SLC13A1: variants seen among roughly 807,000 people sequenced by gnomAD.
SLC13A1 encodes the protein Na(+)/sulfate cotransporter.
SLC13A1 carries 65 observed loss-of-function variants against 70.0 expected under a neutral mutation model. That is an observed-to-expected ratio of 0.93 (90% CI 0.76 to 1.14). The LOEUF (loss-of-function observed/expected upper bound fraction) is 1.14, where lower values mean the gene tolerates loss of function less well. SLC13A1 is among the 50% of genes most tolerant of loss of function. The probability of loss-of-function intolerance (pLI) is 0.00; values close to 1 mark genes in which losing one functional copy is unlikely to be tolerated. For missense variants in SLC13A1, 726 were observed against 717.8 expected, an observed-to-expected ratio of 1.01 and a Z score of -0.13; for synonymous variants, 275 against 250.5, an observed-to-expected ratio of 1.10 and a Z score of -0.92.
intron 1 of SLC13A1, among the ~76,000 whole-genome samples, chr7:123,189,115 A>AG (rs386411182): frequency 0.012 from 23 of 1,842 alleles, 1 homozygote; most frequent in African/African-American, 0.023. Flanking sequence ...ACTCCGTCTC[A>AG]AAAAAAAAAA....
At chr7:123,122,829 A>AT (rs1318807955) in intron 12 of SLC13A1, among the ~76,000 whole-genome samples, 1 of 152,056 alleles carries the variant, frequency 6.6e-6, no homozygotes. Flanking sequence ...TTTCATATAC[A>AT]TTTTTCCTTA....
chr7:123,196,437 A>T (rs765476396), intron 1 of SLC13A1, among the ~76,000 whole-genome samples: 61 of 152,112 alleles, frequency 4.0e-4, no homozygotes, highest in Non-Finnish European at 7.4e-5. Context: ...GTTGTGATTA[A>T]CATCATTGGC....
chr7:123,152,500 G>T (rs1315292844), intron 6 of SLC13A1, among the ~76,000 whole-genome samples: 4 of 151,958 alleles, frequency 2.6e-5, no homozygotes, highest in African/African-American at 9.7e-5. Context: ...CCTTCTCCAG[G>T]ATGAACAGAA....
chr7:123,128,895 C>T lies in SLC13A1; in HGVS notation c.1083G>A (p.Trp361Ter), dbSNP rs757983728. The change falls in exon 10 of 15, where the codon TGG (tryptophan) becomes TGA (stop). Residue 361 changes from tryptophan (W) to a stop codon, truncating the protein, a stop_gained. Coordinates refer to ENST00000194130, the MANE Select transcript of SLC13A1 (RefSeq NM_022444.4). LOFTEE classifies it high-confidence loss of function. Reference sequence around the variant, plus strand: ...GAACAAATCCGGGGTCTCGACTAAACCATAGCAGAGCCATTATAATGAAGA... The same window carrying T: ...GAACAAATCCGGGGTCTCGACTAAATCATAGCAGAGCCATTATAATGAAGA... ...LVLFIIMALL[W>*]FSRDPGFVPG... The T allele has an allele frequency of 1.2e-6, 2 of 1,613,562 alleles. No individual in the cohort carries two copies. The highest frequency in any genetic ancestry group is 1.7e-5 in the Admixed American group (1 of 59,938).
chr7:123,169,005 T>TA, intron 4 of SLC13A1, 143 bp downstream of exon 4: 1 of 677,816 alleles, frequency 1.5e-6, no homozygotes, highest in Non-Finnish European at 2.4e-6. Context: ...TTTTTGTAGA[T>TA]ACTGAGAACT....
At chr7:123,174,198 A>G (rs1235900793) in intron 2 of SLC13A1, among the ~76,000 whole-genome samples, 2 of 152,024 alleles carry the variant, frequency 1.3e-5, no homozygotes, top group African/African-American at 4.8e-5. Context: ...CACTCAATGA[A>G]CCTTTGTTAA....
At chr7:123,142,868 C>T (rs564903726) in intron 7 of SLC13A1, among the ~76,000 whole-genome samples, 5 of 151,968 alleles carry the variant, frequency 3.3e-5, no homozygotes, top group South Asian at 4.1e-4. Context: ...CTGCCCTCCT[C>T]GGCCTCCCAA....
At position 123,169,142 on chromosome 7, in the gene SLC13A1, T is replaced by C. The variant is rs369809674; in HGVS notation, c.553+6A>G. The C allele has an allele frequency of 6.2e-7, 1 of 1,613,696 alleles. No homozygotes were observed. On this transcript the variant is annotated splice_donor_region_variant and intron_variant, in intron 4 of 14. Coordinates refer to ENST00000194130, the MANE Select transcript of SLC13A1 (RefSeq NM_022444.4). ...ACCCCAGATTGGCCATATCAACATG[T>C]GATACCATCAATTTCTAGTCCGTGG...
chr7:123,168,416 A>G lies in SLC13A1; in HGVS notation c.618T>C (p.Asn206=), dbSNP rs769861948. The change falls in exon 6 of 15, where the codon AAT becomes AAC. Residue 206 remains asparagine, a synonymous_variant. Coordinates refer to ENST00000194130, the MANE Select transcript of SLC13A1 (RefSeq NM_022444.4). ...KEKTKPVPGY[N]NDTGKISSKV... is the part of the protein sequence containing the mutation. ...TGCTTGAAATTTTCCCTGTATCATT[A>G]TTGTATCTGAAAAATACATTGATCC... is the stretch of plus-strand genomic sequence containing the variant. The G allele has an allele frequency of 1.3e-6, 2 of 1,594,780 alleles. No individual in the cohort carries two copies. Among genetic ancestry groups the G allele is most frequent in the Admixed American group, 3.4e-5 (2 of 59,682 alleles).
intron 7 of SLC13A1, among the ~76,000 whole-genome samples, chr7:123,140,455 G>C (rs189946782): frequency 6.6e-6 from 1 of 152,096 alleles, no homozygotes; most frequent in East Asian, 1.9e-4. Flanking sequence ...CATAGCGTTT[G>C]AAAGTATTCC....
At chr7:123,168,109 C>G (rs1795133095) in intron 6 of SLC13A1, among the ~76,000 whole-genome samples, 1 of 152,038 alleles carries the variant, frequency 6.6e-6, no homozygotes, top group Non-Finnish European at 1.5e-5. Context: ...TTTAAACTAC[C>G]TTGGCTAACT....
At position 123,123,132 on chromosome 7, in the gene SLC13A1, A is replaced by C; in HGVS notation, c.1344T>G (p.Gly448=). ...CTTACACACAGAGTATTACCTCACA[A>C]CCATCTGCCAGGGCAAACCCTCCAC... The part of the protein sequence containing the change: ...LVGGGFALAD[G]CEESGLSKWI... The change falls in exon 12 of 15, where the codon GGT becomes GGG. Residue 448 remains glycine (G), a synonymous_variant. Transcript: ENST00000194130. 1 of 1,608,030 alleles carries C rather than the reference A, an allele frequency of 6.2e-7. No homozygotes were observed. The highest frequency in any genetic ancestry group is 1.3e-5 in the African/African-American group (1 of 74,880).
intron 6 of SLC13A1, among the ~76,000 whole-genome samples, chr7:123,158,827 G>A (rs777319830): frequency 5.3e-4 from 80 of 151,840 alleles, no homozygotes; most frequent in Non-Finnish European, 1.0e-3. Context: ...AACCTATCTA[G>A]CACACTATAA....
At chr7:123,131,959 A>G (rs535979894) in intron 8 of SLC13A1, among the ~76,000 whole-genome samples, 3 of 152,284 alleles carry the variant, frequency 2.0e-5, no homozygotes, top group African/African-American at 7.2e-5. Context: ...TATATGTTTG[A>G]TAAAGTCATT....
intron 7 of SLC13A1, among the ~76,000 whole-genome samples, chr7:123,136,471 C>T (rs1176019797): frequency 1.3e-5 from 2 of 152,016 alleles, no homozygotes; most frequent in Non-Finnish European, 2.9e-5. Context: ...GTTCCTTTTC[C>T]CACTCTTTCT....
intron 1 of SLC13A1, among the ~76,000 whole-genome samples, chr7:123,192,224 G>T (rs551489327): frequency 1.3e-5 from 2 of 152,166 alleles, no homozygotes; most frequent in East Asian, 1.9e-4. Context: ...CACTTACCCA[G>T]CCCCCAGTTA....
intron 7 of SLC13A1, among the ~76,000 whole-genome samples, chr7:123,135,436 CATAAAG>C (rs1479858826): frequency 1.3e-5 from 2 of 151,718 alleles, no homozygotes; most frequent in East Asian, 1.9e-4. Flanking sequence ...AAAGCAATAA[CATAAAG>C]ATAAATTTGA....
intron 1 of SLC13A1, among the ~76,000 whole-genome samples, chr7:123,194,515 A>T (rs1164742088): frequency 6.6e-6 from 1 of 152,124 alleles, no homozygotes; most frequent in African/African-American, 2.4e-5. Flanking sequence ...AACCATTGAA[A>T]AATTTTGATT....
intron 12 of SLC13A1, among the ~76,000 whole-genome samples, chr7:123,120,022 C>T (rs982444374): frequency 4.6e-5 from 7 of 152,126 alleles, no homozygotes; most frequent in Non-Finnish European, 8.8e-5. Flanking sequence ...AAAAACTCCC[C>T]ACAAATAGAT....
Sources: allele counts gnomAD v4.1 joint callset (sites outside exome capture counted in the v4.1 genomes callset), GRCh38; gene constraint gnomAD v4.1.1; transcripts MANE v1.5; gene names NCBI Gene and HGNC (gene_info 2026-07-23, HGNC 2026-07-21).